SLC39A11: variants seen among roughly 807,000 people sequenced by gnomAD.
SLC39A11 encodes solute carrier family 39 member 11, also known as zinc transporter ZIP11.
In SLC39A11, 33 loss-of-function variants were observed where a neutral mutation model predicts 36.1. The observed-to-expected ratio is 0.91, with a 90% confidence interval of 0.69 to 1.22. SLC39A11 has a LOEUF of 1.22. SLC39A11 is among the 50% of genes most tolerant of loss of function. The pLI, the probability that SLC39A11 is intolerant of heterozygous loss-of-function variation, is 0.00. For synonymous variants in SLC39A11, 166 were observed against 170.3 expected (o/e 0.97, Z 0.20); for missense variants, 432 against 430.3 (o/e 1.00, Z -0.03).
At chr17:72,952,807 T>C (rs1457672332) in intron 4 of SLC39A11, among the ~76,000 whole-genome samples, 2 of 152,134 alleles carry the variant, frequency 1.3e-5, no homozygotes, top group Non-Finnish European at 2.9e-5. Context: ...ACGCAAGCTG[T>C]TCTTGACTTT....
At chr17:72,934,953 T>C (rs2084651231) in intron 5 of SLC39A11, among the ~76,000 whole-genome samples, 1 of 152,202 alleles carries the variant, frequency 6.6e-6, no homozygotes, top group Non-Finnish European at 1.5e-5. Context: ...GAACGGCTTA[T>C]CCGCTTTAGA....
intron 9 of SLC39A11, 88 bp downstream of exon 9, chr17:72,648,715 A>G (rs2069699634): frequency 6.6e-7 from 1 of 1,515,854 alleles, no homozygotes; most frequent in African/African-American, 1.4e-5. Context: ...TAAGGAAAGG[A>G]AAGGCAAATG....
chr17:73,073,966 C>A (rs2060240573), intron 3 of SLC39A11: 1 of 151,698 alleles, frequency 6.6e-6, no homozygotes, highest in African/African-American at 2.4e-5. Flanking sequence ...TCAGTGTGGT[C>A]CAACACCCCT....
In SLC39A11 at chr17:72,723,321, A is replaced by AGTGTGTGTGTGTGTGTGTGTGTGTGTGT. The variant is rs10570164; in HGVS notation, c.671+13301_671+13328dup. 4.0e-5 allele frequency among the ~76,000 whole-genome samples: 6 copies of AGTGTGTGTGTGTGTGTGTGTGTGTGTGT among 148,554 alleles called. No homozygotes were observed. The East Asian group carries it at 8.0e-4, about 20-fold the overall frequency. The stretch of plus-strand genomic sequence containing the variant: ...TTCTTTGTCTTTGTAGGAGTGTAAG[A>AGTGTGTGTGTGTGTGTGTGTGTGTGTGT]GTGTGTGTGTGTGTGTGTGTGTGTG... On this transcript the variant is annotated intron_variant, in intron 7 of 9. Transcript: ENST00000255559.
chr17:72,773,547 G>A (rs1235724924), intron 6 of SLC39A11, among the ~76,000 whole-genome samples: 4 of 152,008 alleles, frequency 2.6e-5, no homozygotes, highest in Non-Finnish European at 4.4e-5. Flanking sequence ...ACATGGAATT[G>A]TGAGTCCATT....
intron 6 of SLC39A11, among the ~76,000 whole-genome samples, chr17:72,789,741 C>T (rs1390514349): frequency 2.0e-5 from 3 of 152,194 alleles, no homozygotes; most frequent in African/African-American, 7.2e-5. Flanking sequence ...TATAGAACCT[C>T]GTTCCCTGGG....
At chr17:72,980,742 A>G (rs1327431247) in intron 4 of SLC39A11, among the ~76,000 whole-genome samples, 1 of 152,174 alleles carries the variant, frequency 6.6e-6, no homozygotes, top group Non-Finnish European at 1.5e-5. Context: ...ATAGAATGTG[A>G]GGCTGGGCAC....
intron 5 of SLC39A11, among the ~76,000 whole-genome samples, chr17:72,888,382 C>T (rs1408577864): frequency 1.3e-5 from 2 of 152,156 alleles, no homozygotes; most frequent in Non-Finnish European, 2.9e-5. Context: ...CTGAACAAAG[C>T]CACTCAAAAG....
chr17:72,939,309 A>C (rs184655981), intron 5 of SLC39A11, among the ~76,000 whole-genome samples: 1 of 152,204 alleles, frequency 6.6e-6, no homozygotes, highest in Admixed American at 6.5e-5. Context: ...AAAAATACAA[A>C]AATTAGCTGG....
chr17:73,004,205 AAG>A (rs2090025845), intron 4 of SLC39A11, among the ~76,000 whole-genome samples: 1 of 128,572 alleles, frequency 7.8e-6, no homozygotes, highest in Admixed American at 8.2e-5. Flanking sequence ...GAAAGAAAGA[AAG>A]AAAGAAAGAA....
intron 4 of SLC39A11, among the ~76,000 whole-genome samples, chr17:72,960,538 T>G (rs1202203539): frequency 6.6e-6 from 1 of 152,170 alleles, no homozygotes; most frequent in Non-Finnish European, 1.5e-5. Context: ...ACGCCTGTAA[T>G]CCCAGCACTT....
intron 5 of SLC39A11, among the ~76,000 whole-genome samples, chr17:72,926,960 C>A (rs1357534027): frequency 8.5e-6 from 1 of 118,278 alleles, no homozygotes; most frequent in Non-Finnish European, 1.6e-5. Context: ...AAAGAGACCA[C>A]TACCCTGATT....
At chr17:72,774,037 TG>T (rs1365912527) in intron 6 of SLC39A11, among the ~76,000 whole-genome samples, 5 of 152,192 alleles carry the variant, frequency 3.3e-5, no homozygotes, top group Non-Finnish European at 4.4e-5. Context: ...TAAAGCTGCT[TG>T]GGCTTCCAAT....
Position 72,825,904 on chromosome 17 carries a change from G to A in SLC39A11, c.601+23730C>T, listed in dbSNP as rs1019144356. ...CTGGGTTTGATTTTACAGGCTCATA[G>A]GTGGAAGTCACTTGCCTTGTCTCAG... On this transcript the variant is annotated intron_variant, in intron 6 of 9. Transcript: ENST00000255559. Among the ~76,000 whole-genome samples, 5 of 152,200 alleles carry A rather than the reference G, an allele frequency of 3.3e-5. No homozygotes were observed. In the East Asian group the frequency reaches 9.6e-4, roughly 29 times the overall value.
chr17:72,854,723 C>G (rs776465247), intron 5 of SLC39A11, among the ~76,000 whole-genome samples: 1 of 152,066 alleles, frequency 6.6e-6, no homozygotes, highest in African/African-American at 2.4e-5. Context: ...AAAGAAAGGA[C>G]CCACTGCCAG....
rs376259822 is a variant in SLC39A11 at position 72,716,244 on chromosome 17, G to A, written c.671+20406C>T. 7.9e-5 allele frequency among the ~76,000 whole-genome samples: 12 copies of A among 152,086 alleles called. No homozygotes were observed. In the South Asian group the frequency reaches 1.5e-3, roughly 18 times the overall value. ...ATTCTGGACAGAATGAAAACCTGAC[G>A]ACCTATCTGATGGAATTACACGGAA... On this transcript the variant is annotated intron_variant, in intron 7 of 9. Transcript: ENST00000255559.
chr17:72,795,873 T>C (rs999428956), intron 6 of SLC39A11, among the ~76,000 whole-genome samples: 1 of 152,158 alleles, frequency 6.6e-6, no homozygotes, highest in African/African-American at 2.4e-5. Flanking sequence ...CCCTGGTGAA[T>C]AGCACACCAT....
intron 4 of SLC39A11, among the ~76,000 whole-genome samples, chr17:73,030,864 G>A (rs763436560): frequency 6.6e-6 from 1 of 152,144 alleles, no homozygotes; most frequent in South Asian, 2.1e-4. Context: ...GCCAGGCTGC[G>A]GTTTGCACGG....
chr17:72,759,108 T>TAATAATAATAATAAA (rs1568042353), intron 6 of SLC39A11, among the ~76,000 whole-genome samples: 1 of 146,032 alleles, frequency 6.8e-6, no homozygotes, highest in African/African-American at 2.6e-5. Flanking sequence ...CTAAAAATAA[T>TAATAATAATAATAAA]AACAATAATA....
Sources: allele counts gnomAD v4.1 joint callset (sites outside exome capture counted in the v4.1 genomes callset), GRCh38; gene constraint gnomAD v4.1.1; transcripts MANE v1.5; gene names NCBI Gene and HGNC (gene_info 2026-07-23, HGNC 2026-07-21).